The following IL1RAPL1 variants were observed in gnomAD, a reference collection of about 807,000 sequenced individuals.
The protein encoded by IL1RAPL1 is interleukin 1 receptor accessory protein like 1, also known as interleukin-1 receptor accessory protein-like 1.
Under a neutral mutation model 48.4 loss-of-function variants are expected in IL1RAPL1, and 3 were observed. The observed-to-expected ratio is 0.06, with a 90% CI of 0.03 to 0.16. The LOEUF (loss-of-function observed/expected upper bound fraction) is 0.16. IL1RAPL1 is among the 10% of genes least tolerant of loss of function. The pLI is 1.00. For synonymous variants in IL1RAPL1, 185 were observed against 187.7 expected (o/e 0.99, Z 0.12); for missense variants, 349 against 530.6 (o/e 0.66, Z 3.36).
intron 2 of IL1RAPL1, among the ~76,000 whole-genome samples, chrX:28,960,804 C>T (rs765149816): frequency 9.1e-6 from 1 of 109,638 alleles, no homozygotes; most frequent in South Asian, 3.9e-4. Context: ...GTCAGGAGAT[C>T]GAGACCATCC....
At chrX:29,895,275 GCA>G (rs1932359026) in intron 6 of IL1RAPL1, among the ~76,000 whole-genome samples, 1 of 111,563 alleles carries the variant, frequency 9.0e-6, no homozygotes, top group African/African-American at 3.3e-5. Flanking sequence ...ATGAAGCTGG[GCA>G]CAGTGGCTCA....
intron 6 of IL1RAPL1, among the ~76,000 whole-genome samples, chrX:29,906,460 A>AAT (rs1164023016): frequency 2.7e-4 from 8 of 29,874 alleles, no homozygotes; most frequent in East Asian, 1.6e-3. Flanking sequence ...TAACTTTGTA[A>AAT]ATATATATAT....
At chrX:28,704,883 T>C (rs1601866285) in intron 1 of IL1RAPL1, among the ~76,000 whole-genome samples, 1 of 89,115 alleles carries the variant, frequency 1.1e-5, no homozygotes, top group Admixed American at 1.3e-4. Context: ...AGAGTAAGAA[T>C]GAGACAATAC....
At position 29,265,968 on chromosome X, in the gene IL1RAPL1, A is replaced by G. The variant is rs185464547; in HGVS notation, c.83-16970A>G. Among the ~76,000 whole-genome samples the G allele has an allele frequency of 1.5e-3, 167 of 110,791 alleles. 1 individual carries two copies. The highest frequency in any genetic ancestry group is 5.0e-3 in the African/African-American group (153 of 30,454). ...AGTCATTAAAAAGTCAGGAAACAACAGGTGCTGGAGAGGATGTGGAGAAAT... is the reference window on the plus strand; with the variant it reads ...AGTCATTAAAAAGTCAGGAAACAACGGGTGCTGGAGAGGATGTGGAGAAAT... On this transcript the variant is annotated intron_variant, in intron 2 of 10. Transcript: ENST00000378993.
chrX:28,923,725 C>A (rs925601872), intron 2 of IL1RAPL1, among the ~76,000 whole-genome samples: 8 of 110,890 alleles, frequency 7.2e-5, no homozygotes, highest in African/African-American at 2.3e-4. Flanking sequence ...ATTCTTCCAA[C>A]TTTTCTGTGT....
At chrX:28,815,905 A>T (rs1245970368) in intron 2 of IL1RAPL1, among the ~76,000 whole-genome samples, 1 of 76,673 alleles carries the variant, frequency 1.3e-5, no homozygotes, top group East Asian at 4.3e-4. Flanking sequence ...TTAACCATTC[A>T]TCCATTCATG....
At chrX:29,211,661 C>T (rs1294247522) in intron 2 of IL1RAPL1, among the ~76,000 whole-genome samples, 1 of 111,206 alleles carries the variant, frequency 9.0e-6, no homozygotes, top group Non-Finnish European at 1.9e-5. Flanking sequence ...GTAGTTAAAC[C>T]TGTATGATAC....
At chrX:29,015,984 T>A (rs1214417105) in intron 2 of IL1RAPL1, among the ~76,000 whole-genome samples, 2 of 111,968 alleles carry the variant, frequency 1.8e-5, no homozygotes, top group Non-Finnish European at 3.8e-5. Flanking sequence ...CATTTTTTAG[T>A]GGGTAGAGAA....
At chrX:29,270,323 T>C (rs1932021336) in intron 2 of IL1RAPL1, among the ~76,000 whole-genome samples, 1 of 111,938 alleles carries the variant, frequency 8.9e-6, no homozygotes, top group Non-Finnish European at 1.9e-5. Context: ...GAGTTATGCT[T>C]TTGGTGTCTT....
At position 29,947,395 on chromosome X, in the gene IL1RAPL1, G is replaced by A. The variant is rs558493690; in HGVS notation, c.1201+5601G>A. On this transcript the variant is annotated intron_variant, in intron 9 of 10. Coordinates refer to ENST00000378993, the MANE Select transcript of IL1RAPL1 (RefSeq NM_014271.4). Reference sequence around the variant, plus strand: ...GTGGGGCATGCTTACTCATAATGACGCCAGGGCAAGCTTATAAGAACACTG... The same window carrying A: ...GTGGGGCATGCTTACTCATAATGACACCAGGGCAAGCTTATAAGAACACTG... Among the ~76,000 whole-genome samples the A allele has an allele frequency of 6.5e-4, 72 of 110,616 alleles. No individual in the cohort carries two copies. The South Asian group carries it at 0.015, about 23-fold the overall frequency.
At chrX:29,865,934 GC>G (rs1931687307) in intron 6 of IL1RAPL1, among the ~76,000 whole-genome samples, 1 of 109,821 alleles carries the variant, frequency 9.1e-6, no homozygotes, top group African/African-American at 3.3e-5. Flanking sequence ...ACAGGCGTGA[GC>G]CACTGTGCCC....
chrX:29,580,334 C>CCT (rs773463835), intron 5 of IL1RAPL1, among the ~76,000 whole-genome samples: 15 of 109,635 alleles, frequency 1.4e-4, no homozygotes, highest in African/African-American at 2.0e-4. Flanking sequence ...TTAATATTCC[C>CCT]CTCTCTCTCT....
chrX:28,875,075 C>T (rs781441303), intron 2 of IL1RAPL1, among the ~76,000 whole-genome samples: 10 of 111,450 alleles, frequency 9.0e-5, no homozygotes, highest in Non-Finnish European at 1.7e-4. Flanking sequence ...TTGTATTCAA[C>T]CTAGAAAACA....
chrX:29,889,903 A>G (rs1932242310), intron 6 of IL1RAPL1, among the ~76,000 whole-genome samples: 1 of 109,561 alleles, frequency 9.1e-6, no homozygotes, highest in Non-Finnish European at 1.9e-5. Flanking sequence ...TTTAGTATGA[A>G]ATTTGTTATA....
chrX:28,982,749 A>G (rs973799252), intron 2 of IL1RAPL1: 1 of 111,673 alleles, frequency 9.0e-6, no homozygotes, highest in Non-Finnish European at 1.9e-5. Context: ...AGTATCATCA[A>G]CCTTACTGGT....
rs768088878 is a variant in IL1RAPL1 at position 29,272,888 on chromosome X, G to T, written c.83-10050G>T. Among the ~76,000 whole-genome samples, 13 of 111,517 alleles carry T rather than the reference G, an allele frequency of 1.2e-4. No homozygotes were observed. The South Asian group carries it at 1.9e-3, about 16-fold the overall frequency. ...CTGATTGACTTAATTCAGATAACCA[G>T]TCTTCAAGCTCTTTGCTCAGCTTGG... On this transcript the variant is annotated intron_variant, in intron 2 of 10. Transcript: ENST00000378993.
At chrX:29,885,256 G>C (rs778490188) in intron 6 of IL1RAPL1, among the ~76,000 whole-genome samples, 2 of 111,707 alleles carry the variant, frequency 1.8e-5, no homozygotes, top group Non-Finnish European at 3.8e-5. Context: ...GTCCTATTTC[G>C]ATTTCTATTT....
chrX:28,893,908 G>C (rs1190747049), intron 2 of IL1RAPL1, among the ~76,000 whole-genome samples: 1 of 111,211 alleles, frequency 9.0e-6, no homozygotes. Flanking sequence ...GGAGTAGGTG[G>C]GAGTGACCGA....
intron 6 of IL1RAPL1, among the ~76,000 whole-genome samples, chrX:29,901,612 G>C (rs1207494964): frequency 9.1e-6 from 1 of 109,755 alleles, no homozygotes; most frequent in Non-Finnish European, 1.9e-5. Context: ...TTTCCTTTTT[G>C]TTTCAACTGC....
Sources: allele counts gnomAD v4.1 joint callset (sites outside exome capture counted in the v4.1 genomes callset), GRCh38; gene constraint gnomAD v4.1.1; transcripts MANE v1.5; gene names NCBI Gene and HGNC (gene_info 2026-07-23, HGNC 2026-07-21).